The following IQSEC1 variants were observed in gnomAD, a reference collection of about 807,000 sequenced individuals.
IQSEC1 encodes the protein IQ motif and Sec7 domain ArfGEF 1.
In IQSEC1, 31 loss-of-function variants were observed where a neutral mutation model predicts 91.0. The observed-to-expected ratio is 0.34, with a 90% CI of 0.26 to 0.46. The LOEUF (loss-of-function observed/expected upper bound fraction) is 0.46. IQSEC1 is among the 20% of genes least tolerant of loss of function. IQSEC1 has a pLI of 1.00. For synonymous variants in IQSEC1, 699 were observed against 662.6 expected (o/e 1.05, Z -0.84); for missense variants, 1,388 against 1,575.6 (o/e 0.88, Z 2.02).
In IQSEC1 at chr3:13,193,530, G is replaced by A. The variant is rs905421962; in HGVS notation, c.273-29397C>T. ...CAAGGCACAGAGGGGACGAAGAGGAGTGCCAGCCCAGGCCGCCAGGGTGAC... is the reference window on the plus strand; with the variant it reads ...CAAGGCACAGAGGGGACGAAGAGGAATGCCAGCCCAGGCCGCCAGGGTGAC... On this transcript the variant is annotated intron_variant, in intron 1 of 15. Coordinates refer to the IQSEC1 transcript ENST00000648114. The surrounding 1 kb of genome is among the most constrained non-coding windows in gnomAD (Gnocchi z 4.2). 6.6e-6 allele frequency among the ~76,000 whole-genome samples: 1 copy of A among 152,186 alleles called. No homozygotes were observed. The highest frequency in any genetic ancestry group is 2.4e-5 in the African/African-American group (1 of 41,438).
chr3:13,058,772 T>C (rs1704964735), intron 1 of IQSEC1, among the ~76,000 whole-genome samples: 1 of 152,184 alleles, frequency 6.6e-6, no homozygotes, highest in South Asian at 2.1e-4. Context: ...GCTTCTATTT[T>C]AGGGGCGCAA....
chr3:12,901,583 A>ATT (rs375066530), intron 13 of IQSEC1, 61 bp from the exon 14 acceptor site: 234 of 1,207,562 alleles, frequency 1.9e-4, no homozygotes, highest in South Asian at 6.1e-4. Context: ...GGTCAGAATG[A>ATT]TTTTTTTTTT....
chr3:13,248,640 C>T (rs1039723391), intron 1 of IQSEC1, among the ~76,000 whole-genome samples: 3 of 152,210 alleles, frequency 2.0e-5, no homozygotes, highest in African/African-American at 7.2e-5. Context: ...TAAAAGTAGC[C>T]CCCTTACAGG....
chr3:13,163,652 GCCTGCCGTGGAGACACC>G (rs1202963574), intron 2 of IQSEC1, among the ~76,000 whole-genome samples: 2 of 152,148 alleles, frequency 1.3e-5, no homozygotes, highest in Non-Finnish European at 2.9e-5. Flanking sequence ...GGGGCATTAC[GCCTGCCGTGGAGACACC>G]CCTGCATTGT....
chr3:12,922,888 G>A lies in IQSEC1; in HGVS notation c.1731-646C>T, dbSNP rs1696765036. ...ATGGTGACCCCTGAACAGAGAAGAT[G>A]GAGTCTGCACCAGGAGCCCTGAGGC... On this transcript the variant is annotated intron_variant, in intron 4 of 13. Transcript: ENST00000613206. This position sits in a 1 kb window ranked among gnomAD's most constrained non-coding sequence, Gnocchi z 5.1. Among the ~76,000 whole-genome samples, 1 of 152,142 alleles carries A rather than the reference G, an allele frequency of 6.6e-6. No homozygotes were observed. The highest frequency in any genetic ancestry group is 2.4e-5 in the African/African-American group (1 of 41,424).
intron 9 of IQSEC1, 55 bp downstream of exon 9, chr3:12,913,373 C>T: frequency 1.3e-6 from 2 of 1,527,044 alleles, no homozygotes; most frequent in Middle Eastern, 1.7e-4. Context: ...CAGACATGGA[C>T]CCTGGGCTCA....
chr3:12,953,420 G>C (rs753192190), intron 1 of IQSEC1, among the ~76,000 whole-genome samples: 1 of 152,208 alleles, frequency 6.6e-6, no homozygotes, highest in Non-Finnish European at 1.5e-5. Flanking sequence ...GATAAGGCCC[G>C]GCCCAGGTCC....
intron 2 of IQSEC1, 73 bp downstream of exon 2, chr3:12,941,498 T>C: frequency 7.2e-7 from 1 of 1,391,724 alleles, no homozygotes; most frequent in East Asian, 2.5e-5. Flanking sequence ...CCACCATGCC[T>C]GGTGGGGGCA....
At chr3:13,040,149 T>A (rs2881980) in intron 1 of IQSEC1, among the ~76,000 whole-genome samples, 1 of 152,036 alleles carries the variant, frequency 6.6e-6, no homozygotes, top group African/African-American at 2.4e-5. Flanking sequence ...ATGCACCATG[T>A]GAGGCTTGGT....
intron 1 of IQSEC1, among the ~76,000 whole-genome samples, chr3:13,202,760 A>G (rs1012885959): frequency 1.3e-5 from 2 of 152,210 alleles, no homozygotes; most frequent in African/African-American, 2.4e-5. Flanking sequence ...CGTACACTCA[A>G]AGATGGTTAC....
intron 1 of IQSEC1, among the ~76,000 whole-genome samples, chr3:12,966,813 A>C (rs1700601713): frequency 6.6e-6 from 1 of 152,302 alleles, no homozygotes; most frequent in South Asian, 2.1e-4. Context: ...CTGTTTGTTC[A>C]GGGTCATCCA....
intron 1 of IQSEC1, among the ~76,000 whole-genome samples, chr3:12,957,483 A>G (rs1699983299): frequency 6.6e-6 from 1 of 152,244 alleles, no homozygotes. Flanking sequence ...AGAGGCCTCT[A>G]GTTATTTCCA....
chr3:13,138,811 C>T (rs1462892587), intron 2 of IQSEC1, among the ~76,000 whole-genome samples: 2 of 151,842 alleles, frequency 1.3e-5, no homozygotes, highest in Admixed American at 1.3e-4. Flanking sequence ...GCCCCCTCTG[C>T]TTGTGAGCTT....
At chr3:13,052,667 G>A (rs764424589) in intron 1 of IQSEC1, among the ~76,000 whole-genome samples, 1 of 152,192 alleles carries the variant, frequency 6.6e-6, no homozygotes, top group East Asian at 1.9e-4. Flanking sequence ...CACCAGCAAC[G>A]GGTGAGTGAT....
At chr3:12,953,605 G>A (rs1360800328) in intron 1 of IQSEC1, among the ~76,000 whole-genome samples, 1 of 152,230 alleles carries the variant, frequency 6.6e-6, no homozygotes, top group Non-Finnish European at 1.5e-5. Context: ...AGCAGCTGCT[G>A]GAGAGATGGG....
intron 2 of IQSEC1, among the ~76,000 whole-genome samples, chr3:13,161,908 C>T (rs773311245): frequency 5.3e-5 from 8 of 152,218 alleles, no homozygotes; most frequent in Non-Finnish European, 7.3e-5. Flanking sequence ...GAGGCCATTC[C>T]TCATTCTCCC....
At chr3:13,243,492 G>A (rs1328253572) in intron 1 of IQSEC1, among the ~76,000 whole-genome samples, 1 of 152,170 alleles carries the variant, frequency 6.6e-6, no homozygotes, top group Non-Finnish European at 1.5e-5. Flanking sequence ...TTCTTCCAGG[G>A]GTGCTCTCTG....
Position 12,899,373 on chromosome 3 carries a change from T to C in IQSEC1, c.*1610A>G, listed in dbSNP as rs1253129243. ...CGCCTGGGCAGGCGCCGGGGGGCAG[T>C]CCTCGGGTCCCATGGCTTAGGAGCA... is the stretch of plus-strand genomic sequence containing the variant. On this transcript the variant is annotated 3_prime_UTR_variant, in exon 14 of 14. Coordinates refer to ENST00000613206, the MANE Select transcript of IQSEC1 (RefSeq NM_001134382.3). 1 of 1,612,556 alleles carries C rather than the reference T, an allele frequency of 6.2e-7. No individual in the cohort carries two copies. The highest frequency in any genetic ancestry group is 8.5e-7 in the Non-Finnish European group (1 of 1,179,582).
intron 1 of IQSEC1, among the ~76,000 whole-genome samples, chr3:13,261,648 C>T (rs1339015452): frequency 1.3e-5 from 2 of 151,940 alleles, no homozygotes; most frequent in African/African-American, 4.8e-5. Context: ...AAGCATCTGT[C>T]CCCTGAGCTC....
Sources: gnomAD v4.1 joint callset for allele counts (sites outside exome capture counted in the v4.1 genomes callset) on GRCh38, gnomAD v4.1.1 for gene constraint, Gnocchi (gnomAD v3.1) non-coding constraint, MANE v1.5 for transcripts, NCBI Gene and HGNC (gene_info 2026-07-23, HGNC 2026-07-21) for gene names.